DIS3L2: variants seen among roughly 807,000 people sequenced by gnomAD.
DIS3L2 encodes DIS3-like exonuclease 2.
Under a neutral mutation model 97.5 loss-of-function variants are expected in DIS3L2, and 34 were observed. That is an observed-to-expected ratio of 0.35 (90% CI 0.27 to 0.46). The LOEUF is 0.46. DIS3L2 is among the 20% of genes least tolerant of loss of function. The probability of loss-of-function intolerance (pLI) is 1.00; values close to 1 mark genes in which losing one functional copy is unlikely to be tolerated. For synonymous variants in DIS3L2, 435 were observed against 445.2 expected (o/e 0.98, Z 0.29); for missense variants, 1,038 against 1,146.0 (o/e 0.91, Z 1.36).
intron 10 of DIS3L2, among the ~76,000 whole-genome samples, chr2:232,212,520 A>G (rs1469580953): frequency 6.6e-6 from 1 of 152,164 alleles, no homozygotes; most frequent in African/African-American, 2.4e-5. Context: ...CTAGGGCCCA[A>G]GTGTGTCAGC....
chr2:232,257,458 C>T (rs2106274010), intron 12 of DIS3L2, among the ~76,000 whole-genome samples: 1 of 152,282 alleles, frequency 6.6e-6, no homozygotes. Context: ...GGATGATTGC[C>T]CTGTTTTCGT....
intron 13 of DIS3L2, among the ~76,000 whole-genome samples, chr2:232,283,601 C>T (rs992506512): frequency 6.6e-6 from 1 of 152,178 alleles, no homozygotes; most frequent in Admixed American, 6.5e-5. Context: ...TTTTTCATTT[C>T]TCTCGGTAGA....
At chr2:231,999,570 C>T (rs553405222) in intron 1 of DIS3L2, among the ~76,000 whole-genome samples, 6 of 152,204 alleles carry the variant, frequency 3.9e-5, no homozygotes, top group South Asian at 2.1e-4. Context: ...AAACTTGGCT[C>T]GTTATCCACA....
At chr2:232,189,694 A>G (rs1368388466) in intron 9 of DIS3L2, among the ~76,000 whole-genome samples, 1 of 152,196 alleles carries the variant, frequency 6.6e-6, no homozygotes, top group Non-Finnish European at 1.5e-5. Flanking sequence ...AAAATTGTAT[A>G]GAACTTATAC....
chr2:232,119,184 A>G (rs1430747232), intron 6 of DIS3L2, among the ~76,000 whole-genome samples: 2 of 152,228 alleles, frequency 1.3e-5, no homozygotes. Flanking sequence ...TATTTCATAT[A>G]TGTGGGCTTG....
At chr2:232,237,582 A>G (rs1312636823) in intron 10 of DIS3L2, among the ~76,000 whole-genome samples, 2 of 151,946 alleles carry the variant, frequency 1.3e-5, no homozygotes, top group African/African-American at 2.4e-5. Flanking sequence ...CGATAGAGAT[A>G]TGCCGTGATA....
chr2:232,342,779 G>A lies in DIS3L2; in HGVS notation c.1582-566G>A, dbSNP rs560204064. Among the ~76,000 whole-genome samples the A allele has an allele frequency of 3.0e-4, 46 of 152,322 alleles. 1 individual carries two copies. In the South Asian group the frequency reaches 9.1e-3, roughly 30 times the overall value. On this transcript the variant is annotated intron_variant, in intron 13 of 13. Coordinates refer to the DIS3L2 transcript ENST00000273009. Reference sequence around the variant, plus strand: ...ATAGAACCTCTAGGCTCATGTGTGAGCCCAGGCTGGGCTGGGGCCCCTGGG... The same window carrying A: ...ATAGAACCTCTAGGCTCATGTGTGAACCCAGGCTGGGCTGGGGCCCCTGGG...
chr2:232,323,977 C>T (rs1695507249), intron 14 of DIS3L2, among the ~76,000 whole-genome samples: 1 of 152,180 alleles, frequency 6.6e-6, no homozygotes, highest in South Asian at 2.1e-4. Flanking sequence ...AGATCTCTTC[C>T]ACTTTCCCTC....
chr2:232,200,773 C>T lies in DIS3L2; in HGVS notation c.1125-9553C>T, dbSNP rs982478104. On this transcript the variant is annotated intron_variant, in intron 9 of 20. Coordinates refer to ENST00000325385, the MANE Select transcript of DIS3L2 (RefSeq NM_152383.5). ...GTCATCTAGATGCTGAAACCATTGA[C>T]CAAAAGGTTTTTTTTTTTTTTTTTT... 3.3e-5 allele frequency among the ~76,000 whole-genome samples: 5 copies of T among 149,506 alleles called. No homozygotes were observed. The East Asian group carries it at 9.9e-4, about 30-fold the overall frequency.
intron 5 of DIS3L2, among the ~76,000 whole-genome samples, chr2:232,036,433 A>G (rs990863824): frequency 3.3e-5 from 5 of 152,056 alleles, no homozygotes; most frequent in African/African-American, 1.2e-4. Context: ...CCTTTTATCA[A>G]TGTTCTTAGC....
At chr2:231,989,339 TTGTGTGTGTGTG>T (rs59088969) in intron 1 of DIS3L2, among the ~76,000 whole-genome samples, 2,695 of 146,786 alleles carry the variant, frequency 0.018, 84 homozygotes, top group African/African-American at 0.064. Context: ...GTCAGTATAA[TTGTGTGTGTGTG>T]TGTGTGTGTG....
intron 8 of DIS3L2, among the ~76,000 whole-genome samples, chr2:232,145,797 A>T (rs1038589277): frequency 6.6e-6 from 1 of 152,142 alleles, no homozygotes; most frequent in African/African-American, 2.4e-5. Context: ...ACAAAGCATT[A>T]ATTTGTTTAT....
At chr2:232,174,927 T>G (rs1389053998) in intron 9 of DIS3L2, among the ~76,000 whole-genome samples, 2 of 152,004 alleles carry the variant, frequency 1.3e-5, no homozygotes, top group Non-Finnish European at 2.9e-5. Flanking sequence ...AATTCCAGGC[T>G]CAAGTGATCC....
At chr2:232,107,413 G>C (rs760192617) in intron 6 of DIS3L2, among the ~76,000 whole-genome samples, 2 of 152,070 alleles carry the variant, frequency 1.3e-5, no homozygotes, top group African/African-American at 2.4e-5. Context: ...AAATGATAAG[G>C]GGTAGGCTGG....
intron 10 of DIS3L2, among the ~76,000 whole-genome samples, chr2:232,230,112 G>T (rs1574959885): frequency 6.6e-6 from 1 of 152,244 alleles, no homozygotes; most frequent in East Asian, 1.9e-4. Flanking sequence ...GTCAGCTTTT[G>T]TGTAAGATTA....
intron 3 of DIS3L2, among the ~76,000 whole-genome samples, chr2:232,021,016 T>C (rs1694496420): frequency 6.6e-6 from 1 of 152,172 alleles, no homozygotes; most frequent in African/African-American, 2.4e-5. Flanking sequence ...ATTTTATATG[T>C]GTGAAATTCC....
intron 5 of DIS3L2, among the ~76,000 whole-genome samples, chr2:232,077,027 C>G (rs1696210487): frequency 6.6e-6 from 1 of 152,202 alleles, no homozygotes; most frequent in African/African-American, 2.4e-5. Context: ...CAGGGTGTCT[C>G]TTCTTCTCCT....
chr2:232,018,116 A>C (rs961059422), intron 3 of DIS3L2, among the ~76,000 whole-genome samples: 2 of 152,212 alleles, frequency 1.3e-5, no homozygotes, highest in African/African-American at 4.8e-5. Flanking sequence ...CTTGAAAGAA[A>C]ACTAGCCTAG....
intron 13 of DIS3L2, among the ~76,000 whole-genome samples, chr2:232,284,798 C>G (rs539603407): frequency 1.3e-5 from 2 of 152,184 alleles, no homozygotes; most frequent in African/African-American, 2.4e-5. Context: ...CCAGATCATT[C>G]TCTAAGCTCC....
Sources: allele counts gnomAD v4.1 joint callset (sites outside exome capture counted in the v4.1 genomes callset), GRCh38; gene constraint gnomAD v4.1.1; transcripts MANE v1.5; gene names NCBI Gene and HGNC (gene_info 2026-07-23, HGNC 2026-07-21).